Variants in PTCHD4 observed in about 807,000 individuals in gnomAD.
The protein encoded by PTCHD4 is patched domain-containing protein 4.
Under a neutral mutation model 58.1 loss-of-function variants are expected in PTCHD4, and 33 were observed. The observed-to-expected ratio is 0.57, with a 90% CI of 0.43 to 0.76. The LOEUF (loss-of-function observed/expected upper bound fraction) is 0.76. Ranked by LOEUF, PTCHD4 falls within the 30% of genes least tolerant of loss-of-function variation. The pLI, the probability that PTCHD4 is intolerant of heterozygous loss-of-function variation, is 0.00. For missense variants in PTCHD4, 1,058 were observed against 1,027.1 expected (o/e 1.03, Z -0.41); for synonymous variants, 478 against 409.6 (o/e 1.17, Z -2.02).
intron 4 of PTCHD4, among the ~76,000 whole-genome samples, chr6:47,938,152 TA>T (rs1463219538): frequency 6.6e-6 from 1 of 151,828 alleles, no homozygotes. Context: ...GATTCCCTCT[TA>T]AAAAAAGAAA....
rs1764911573 is a variant in PTCHD4, at chr6:48,069,026, G to A, written c.-69C>T. On this transcript the variant is annotated 5_prime_UTR_variant, in exon 2 of 5. Transcript: ENST00000339488. The stretch of plus-strand genomic sequence containing the variant: ...TCCCCTGGCCTCCCTCGCTGGAGGT[G>A]GTTCCGTGTGGAGCGTCCCACAGAT... Among the ~76,000 whole-genome samples the A allele has an allele frequency of 6.6e-6, 1 of 150,638 alleles. No homozygotes were observed. Among genetic ancestry groups the A allele is most frequent in the African/African-American group, 2.4e-5 (1 of 40,844 alleles).
intron 4 of PTCHD4, among the ~76,000 whole-genome samples, chr6:47,952,366 A>T (rs1345986591): frequency 6.6e-6 from 1 of 152,130 alleles, no homozygotes; most frequent in African/African-American, 2.4e-5. Flanking sequence ...GTCTATCAAC[A>T]CCAAAAGTTA....
chr6:47,891,699 T>C (rs1392720891), intron 4 of PTCHD4, among the ~76,000 whole-genome samples: 1 of 152,146 alleles, frequency 6.6e-6, no homozygotes, highest in Non-Finnish European at 1.5e-5. Flanking sequence ...TTTGCAACAG[T>C]CATATAAGTC....
At chr6:48,013,743 G>C (rs1168380378) in intron 3 of PTCHD4, among the ~76,000 whole-genome samples, 1 of 152,102 alleles carries the variant, frequency 6.6e-6, no homozygotes, top group Non-Finnish European at 1.5e-5. Flanking sequence ...TTATTTGAAA[G>C]AGAAAGTTTT....
chr6:48,037,921 G>A (rs933085922), intron 3 of PTCHD4, among the ~76,000 whole-genome samples: 26 of 138,864 alleles, frequency 1.9e-4, no homozygotes, highest in African/African-American at 6.3e-4. Context: ...AAAAAAAAAA[G>A]TTCCTTTTAT....
intron 4 of PTCHD4, among the ~76,000 whole-genome samples, chr6:47,931,014 A>G (rs1765799026): frequency 6.6e-6 from 1 of 152,116 alleles, no homozygotes; most frequent in Non-Finnish European, 1.5e-5. Flanking sequence ...TGAACTCCTG[A>G]CCTCAGGTGA....
At chr6:47,919,327 C>T (rs79740761) in intron 4 of PTCHD4, among the ~76,000 whole-genome samples, 6,091 of 152,058 alleles carry the variant, frequency 0.04, 173 homozygotes, top group East Asian at 0.078. Flanking sequence ...TGAAGGCCTT[C>T]AGAAAATAAT....
chr6:48,033,397 T>C (rs116129603), intron 3 of PTCHD4, among the ~76,000 whole-genome samples: 3,585 of 151,868 alleles, frequency 0.024, 121 homozygotes, highest in African/African-American at 0.074. Flanking sequence ...CATCCCTAAC[T>C]GTTAAGACCA....
At chr6:47,975,736 T>A (rs1407128866) in intron 4 of PTCHD4, among the ~76,000 whole-genome samples, 2 of 152,204 alleles carry the variant, frequency 1.3e-5, no homozygotes, top group Non-Finnish European at 2.9e-5. Flanking sequence ...ATTAATCAGC[T>A]TGGCATTGTA....
At chr6:47,959,516 T>C (rs1766999909) in intron 4 of PTCHD4, among the ~76,000 whole-genome samples, 1 of 152,076 alleles carries the variant, frequency 6.6e-6, no homozygotes. Context: ...GAAAATGTAG[T>C]AGCCAAAGGT....
chr6:47,890,813 G>A (rs971987333), intron 4 of PTCHD4: 62 of 772,452 alleles, frequency 8.0e-5, no homozygotes, highest in Non-Finnish European at 8.7e-5. Context: ...GCACACACAG[G>A]ATGGCTTGCT....
rs1252163656 is a variant in PTCHD4 at position 47,870,803 on chromosome 6, T to C, written c.*7500A>G. Among the ~76,000 whole-genome samples the C allele has an allele frequency of 1.3e-5, 2 of 151,616 alleles. No individual in the cohort carries two copies. The highest frequency in any genetic ancestry group is 6.6e-5 in the Admixed American group (1 of 15,168). On this transcript the variant is annotated 3_prime_UTR_variant, in exon 5 of 5. Transcript: ENST00000339488. ...CTTTCCTCAGTAAGGTAGCTTTAGT[T>C]GTAGAGCCCAAGGTACAGAACTACA...
intron 3 of PTCHD4, among the ~76,000 whole-genome samples, chr6:48,037,838 CT>C (rs1231882207): frequency 6.6e-6 from 1 of 151,424 alleles, no homozygotes; most frequent in African/African-American, 2.4e-5. Flanking sequence ...TTTAAAAGAC[CT>C]TCACGAATCC....
At chr6:47,947,094 C>G (rs1198040942) in intron 4 of PTCHD4, among the ~76,000 whole-genome samples, 1 of 152,072 alleles carries the variant, frequency 6.6e-6, no homozygotes, top group Non-Finnish European at 1.5e-5. Context: ...CTTGGCCTCT[C>G]TAAGTACTGG....
rs1299114126 is a variant in PTCHD4 at position 47,876,879 on chromosome 6, G to A, written c.*1424C>T. 6.6e-6 allele frequency among the ~76,000 whole-genome samples: 1 copy of A among 151,960 alleles called. No homozygotes were observed. The highest frequency in any genetic ancestry group is 1.9e-4 in the East Asian group (1 of 5,158). ...AACATTTACCTCAGTACTTTTGTTT[G>A]AGAAAGAATTCAGCAGCAGTTATAG... On this transcript the variant is annotated 3_prime_UTR_variant, in exon 5 of 5. Coordinates refer to ENST00000339488, the MANE Select transcript of PTCHD4 (RefSeq NM_001384253.1).
At chr6:48,101,982 C>T (rs1765613374) in intron 1 of PTCHD4, among the ~76,000 whole-genome samples, 1 of 152,166 alleles carries the variant, frequency 6.6e-6, no homozygotes, top group Admixed American at 6.5e-5. Context: ...AGAACAGCTT[C>T]CCACCAAACT....
intron 1 of PTCHD4, among the ~76,000 whole-genome samples, chr6:48,089,552 AAACT>A (rs549263380): frequency 1.8e-3 from 276 of 152,360 alleles, no homozygotes; most frequent in African/African-American, 6.5e-3. Context: ...AATCTTTTGA[AAACT>A]AATGTATAGA....
intron 1 of PTCHD4, among the ~76,000 whole-genome samples, chr6:48,080,834 T>C (rs1765152693): frequency 6.6e-6 from 1 of 152,160 alleles, no homozygotes; most frequent in South Asian, 2.1e-4. Context: ...TACCTCTTTG[T>C]TTGGCCCTCC....
chr6:48,068,624 G>A lies in PTCHD4; in HGVS notation c.23C>T (p.Ala8Val). Residue 8 changes from alanine (A) to valine (V), a missense_variant, in exon 3 of 5, where the codon GCG (alanine) becomes GTG (valine). Coordinates refer to ENST00000339488, the MANE Select transcript of PTCHD4 (RefSeq NM_001384253.1). This position sits in a 1 kb window ranked among gnomAD's most constrained non-coding sequence, Gnocchi z 4.2. MRRPGAP[A>V]SWIWWRMLRQ... The stretch of plus-strand genomic sequence containing the variant: ...CAGCATCCTCCACCAGATCCAGCTC[G>A]CAGGCGCTCCCGGCCGTCTTAAAAA... 1.3e-6 allele frequency: 2 copies of A among 1,562,468 alleles called. No homozygotes were observed. Among genetic ancestry groups the A allele is most frequent in the Non-Finnish European group, 1.7e-6 (2 of 1,158,900 alleles).
Sources: gnomAD v4.1 joint callset for allele counts (sites outside exome capture counted in the v4.1 genomes callset) on GRCh38, gnomAD v4.1.1 for gene constraint, Gnocchi (gnomAD v3.1) non-coding constraint, MANE v1.5 for transcripts, NCBI Gene and HGNC (gene_info 2026-07-23, HGNC 2026-07-21) for gene names.